Variants in ALK observed in about 807,000 individuals in gnomAD.
ALK encodes ALK receptor tyrosine kinase.
A neutral mutation model predicts 163.1 loss-of-function variants in ALK; 74 were observed. That is an observed-to-expected ratio of 0.45 (90% CI 0.38 to 0.55). The LOEUF is 0.55. Among genes scored for constraint, ALK ranks in the 20% least tolerant of loss-of-function variants. The probability of loss-of-function intolerance (pLI) is 0.00; values close to 1 mark genes in which losing one functional copy is unlikely to be tolerated. For synonymous variants in ALK, 960 were observed against 843.2 expected, an observed-to-expected ratio of 1.14 and a Z score of -2.40; for missense variants, 2,063 against 2,105.3, an observed-to-expected ratio of 0.98 and a Z score of 0.39.
intron 4 of ALK, among the ~76,000 whole-genome samples, chr2:29,468,729 C>A (rs62131816): frequency 2.0e-5 from 3 of 151,186 alleles, no homozygotes; most frequent in Admixed American, 6.6e-5. Flanking sequence ...CAGCATGTGC[C>A]TGTGGTCCCA....
intron 3 of ALK, among the ~76,000 whole-genome samples, chr2:29,641,208 C>A (rs1303106197): frequency 1.3e-5 from 2 of 151,938 alleles, no homozygotes; most frequent in Non-Finnish European, 2.9e-5. Flanking sequence ...AATGCCAGTT[C>A]ACAGTTCTGA....
At chr2:29,400,577 G>A (rs951652478) in intron 4 of ALK, among the ~76,000 whole-genome samples, 5 of 152,130 alleles carry the variant, frequency 3.3e-5, no homozygotes, top group Non-Finnish European at 7.4e-5. Flanking sequence ...CACAATGTGC[G>A]AGACCCTGAA....
intron 1 of ALK, among the ~76,000 whole-genome samples, chr2:29,861,850 A>G (rs1666300668): frequency 6.6e-6 from 1 of 152,242 alleles, no homozygotes; most frequent in Non-Finnish European, 1.5e-5. Context: ...GCAAGCCAAT[A>G]TCCTTGAACA....
At chr2:29,538,189 TG>T (rs374825051) in intron 3 of ALK, among the ~76,000 whole-genome samples, 61 of 151,874 alleles carry the variant, frequency 4.0e-4, no homozygotes, top group Non-Finnish European at 7.2e-4. Context: ...ACATGATATT[TG>T]GGGGGGGCAG....
chr2:29,714,573 T>C (rs1054683572), intron 2 of ALK, among the ~76,000 whole-genome samples: 2 of 152,286 alleles, frequency 1.3e-5, no homozygotes, highest in East Asian at 1.9e-4. Context: ...GGTCAGGTTG[T>C]TGATGCTCAC....
At chr2:29,898,758 T>C (rs574716935) in intron 1 of ALK, among the ~76,000 whole-genome samples, 1 of 152,176 alleles carries the variant, frequency 6.6e-6, no homozygotes, top group Admixed American at 6.5e-5. Flanking sequence ...AAGAATGTGA[T>C]GTTCAGAAAG....
chr2:29,792,042 C>G (rs72854238), intron 1 of ALK, among the ~76,000 whole-genome samples: 1,881 of 152,246 alleles, frequency 0.012, 33 homozygotes, highest in African/African-American at 0.043. Flanking sequence ...TTAAACAATT[C>G]TAACCAAAAC....
intron 4 of ALK, among the ~76,000 whole-genome samples, chr2:29,397,623 G>A (rs1669342597): frequency 6.6e-6 from 1 of 152,170 alleles, no homozygotes; most frequent in Non-Finnish European, 1.5e-5. Context: ...TCTATGTGAT[G>A]ACCAGCCTGG....
At position 29,272,426 on chromosome 2, in the gene ALK, C is replaced by T. The variant is rs74810047; in HGVS notation, c.2041+2673G>A. ...GATTTTCCCAGCCTGGAAACTTGAG[C>T]GGCTCAGCTCTGCTCCATGGGCCTG... On this transcript the variant is annotated intron_variant, in intron 11 of 28. Transcript: ENST00000389048. Among the ~76,000 whole-genome samples, 968 of 152,294 alleles carry T rather than the reference C, an allele frequency of 6.4e-3. 12 individuals are homozygous for T. The highest frequency in any genetic ancestry group is 0.022 in the African/African-American group (911 of 41,564).
At position 29,782,867 on chromosome 2, in the gene ALK, C is replaced by T. The variant is rs570234827; in HGVS notation, c.668-65170G>A. On this transcript the variant is annotated intron_variant, in intron 1 of 28. Transcript: ENST00000389048. ...CTTCTTGACATGTTTATGCCAGTTC[C>T]TCTTCCCCAGTCCTCATTCTCAGGC... is the stretch of plus-strand genomic sequence containing the variant. Among the ~76,000 whole-genome samples the T allele has an allele frequency of 4.3e-4, 65 of 152,328 alleles. 1 individual carries two copies. In the South Asian group the frequency reaches 0.013, roughly 30 times the overall value.
intron 4 of ALK, among the ~76,000 whole-genome samples, chr2:29,458,772 A>G (rs1671017923): frequency 1.3e-5 from 2 of 152,142 alleles, no homozygotes; most frequent in South Asian, 4.1e-4. Flanking sequence ...GTAAGAATAA[A>G]AGTTGCTGCC....
At chr2:29,333,120 T>C (rs1194640058) in intron 5 of ALK, among the ~76,000 whole-genome samples, 1 of 152,078 alleles carries the variant, frequency 6.6e-6, no homozygotes, top group Non-Finnish European at 1.5e-5. Flanking sequence ...TTTTTTGTTT[T>C]TTTGTTTTTT....
At chr2:29,243,100 C>T (rs1664566200) in intron 12 of ALK, among the ~76,000 whole-genome samples, 1 of 152,200 alleles carries the variant, frequency 6.6e-6, no homozygotes, top group Admixed American at 6.5e-5. Context: ...GGATGTGCCA[C>T]AGGTAGAAAA....
intron 1 of ALK, among the ~76,000 whole-genome samples, chr2:29,830,747 A>C (rs75288993): frequency 0.23 from 22,777 of 101,156 alleles, 3,979 homozygotes; most frequent in East Asian, 0.36. Flanking sequence ...AAAAAAAAAA[A>C]AAAAAACTTA....
chr2:29,667,223 G>A (rs148526435), intron 3 of ALK, among the ~76,000 whole-genome samples: 6 of 151,994 alleles, frequency 3.9e-5, no homozygotes, highest in African/African-American at 1.2e-4. Flanking sequence ...GGAACATATA[G>A]TAGTTTTATT....
chr2:29,424,243 A>G (rs961953634), intron 4 of ALK, among the ~76,000 whole-genome samples: 6 of 152,172 alleles, frequency 3.9e-5, no homozygotes, highest in Non-Finnish European at 7.3e-5. Flanking sequence ...TCATGATATG[A>G]ATGGCTTATC....
chr2:29,353,414 GGAA>G (rs1356433078), intron 5 of ALK, among the ~76,000 whole-genome samples: 1 of 152,090 alleles, frequency 6.6e-6, no homozygotes, highest in Non-Finnish European at 1.5e-5. Flanking sequence ...CAATTTTCAG[GGAA>G]GAGAGCAAAA....
At chr2:29,394,326 AAAAAG>A (rs1310862192) in intron 4 of ALK, among the ~76,000 whole-genome samples, 3 of 151,936 alleles carry the variant, frequency 2.0e-5, no homozygotes, top group Non-Finnish European at 2.9e-5. Flanking sequence ...CAGAAAAAAA[AAAAAG>A]AAAGAAAGAA....
chr2:29,713,499 G>T (rs1029949001), intron 2 of ALK, among the ~76,000 whole-genome samples: 2 of 152,162 alleles, frequency 1.3e-5, no homozygotes, highest in Non-Finnish European at 2.9e-5. Flanking sequence ...GTGATATCAA[G>T]TCTTGGTCCC....
Sources: gnomAD v4.1 joint callset for allele counts (sites outside exome capture counted in the v4.1 genomes callset) on GRCh38, gnomAD v4.1.1 for gene constraint, MANE v1.5 for transcripts, NCBI Gene and HGNC (gene_info 2026-07-23, HGNC 2026-07-21) for gene names.